The following TCHH variants were observed in gnomAD, a reference collection of about 807,000 sequenced individuals.
TCHH encodes trichohyalin.
TCHH carries 6 observed loss-of-function variants against 6.3 expected under a neutral mutation model. The ratio of observed to expected loss-of-function variants is 0.95; its 90% CI spans 0.52 to 1.88. The LOEUF is 1.88. TCHH is among the 40% of genes most tolerant of loss of function. The pLI is 0.01. For missense variants in TCHH, 2,920 were observed against 2,449.1 expected, an observed-to-expected ratio of 1.19 and a Z score of -4.06; for synonymous variants, 1,087 against 963.6, an observed-to-expected ratio of 1.13 and a Z score of -2.37.
Position 152,111,697 on chromosome 1 carries a change from A to G in TCHH, c.1520T>C (p.Leu507Pro). The part of the protein sequence containing the change: ...REQQERREQQ[L>P]RREQEERREQ... ...GCGCCTCTCCTCTTGCTCCCGCCTT[A>G]GTTGCTGCTCGCGCCTCTCCTGCTG... Residue 507 changes from leucine to proline, a missense_variant, in exon 3 of 3, where the codon CTA becomes CCA. Leu to Pro is a moderately conservative substitution (Grantham distance 98). Coordinates refer to ENST00000614923, the MANE Select transcript of TCHH (RefSeq NM_007113.4). 1.5e-6 allele frequency: 2 copies of G among 1,375,782 alleles called. No homozygotes were observed. The highest frequency in any genetic ancestry group is 1.3e-5 in the South Asian group (1 of 76,472). The allele number at this position is 1,375,782 out of a possible 1,614,324, so 85.2% of individuals were successfully genotyped here.
chr1:152,110,655 GTCC>G lies in TCHH; in HGVS notation c.2559_2561del (p.Glu853del), dbSNP rs758844690. 34 of 1,612,732 alleles carry G rather than the reference GTCC, an allele frequency of 2.1e-5. No individual in the cohort carries two copies. The highest frequency in any genetic ancestry group is 6.7e-5 in the Admixed American group (4 of 59,938). On this transcript the variant is annotated inframe_deletion, in exon 3 of 3. Transcript: ENST00000614923. ...TCCTCTCCTGATCCTCCTGGAGGCC[GTCC>G]TCCTCCTCCTGGAGCTGTTGGGCAC... is the stretch of plus-strand genomic sequence containing the variant.
At position 152,108,477 on chromosome 1, in the gene TCHH, T is replaced by C; in HGVS notation, c.4740A>G (p.Lys1580=). 1 of 1,612,336 alleles carries C rather than the reference T, an allele frequency of 6.2e-7. No homozygotes were observed. Among genetic ancestry groups the C allele is most frequent in the Non-Finnish European group, 8.5e-7 (1 of 1,179,622 alleles). The change falls in exon 3 of 3, where the codon AAA becomes AAG. Residue 1580 remains lysine (K), a synonymous_variant. Coordinates refer to ENST00000614923, the MANE Select transcript of TCHH (RefSeq NM_007113.4). The part of the protein sequence containing the change: ...QQLSRQERDR[K]FRLEEQKVRR... ...GCACTTTCTGTTCCTCTAAACGGAA[T>C]TTTCTGTCACGCTCTTGGCGGCTCA...
Position 152,109,470 on chromosome 1 carries a change from C to T in TCHH, c.3747G>A (p.Gln1249=). ...GCTGGGAATCTTCCAACTGCCGGAA[C>T]TGTTCATTCTCTCTGCCTTTGCAGT... ...KVYCKGRENE[Q]FRQLEDSQLR... Residue 1249 remains glutamine, a synonymous_variant, in exon 3 of 3, where the codon CAG becomes CAA. Transcript: ENST00000614923. The T allele has an allele frequency of 6.2e-7, 1 of 1,614,282 alleles. No homozygotes were observed. Among genetic ancestry groups the T allele is most frequent in the East Asian group, 2.2e-5 (1 of 44,892 alleles).
rs778874609 is a variant in TCHH, at chr1:152,108,431, TTC to T, written c.4784_4785del (p.Arg1595LysfsTer47). On this transcript the variant is annotated frameshift_variant, in exon 3 of 3. Coordinates refer to ENST00000614923, the MANE Select transcript of TCHH (RefSeq NM_007113.4). LOFTEE classifies it low-confidence loss of function (END_TRUNC). ...EQKVRRQEQE[R>X]KFMEDEQQLR... ...AGCTGCTGTTCGTCCTCCATGAATTTTCTCTCTTGTTCCTGGCGGCGCACTTT... is the reference window on the plus strand; with the variant it reads ...AGCTGCTGTTCGTCCTCCATGAATTTTCTCTTGTTCCTGGCGGCGCACTTT... 1.2e-6 allele frequency: 2 copies of T among 1,612,178 alleles called. No individual in the cohort carries two copies. The highest frequency in any genetic ancestry group is 1.1e-5 in the South Asian group (1 of 91,002).
In TCHH at chr1:152,110,319, C is replaced by T; in HGVS notation, c.2898G>A (p.Leu966=). ...RERQYRKDKK[L]QQKEEQLLGE... The stretch of plus-strand genomic sequence containing the variant: ...CCAGCAGCTGCTCTTCCTTCTGCTG[C>T]AGCTTCTTATCCTTCCGATATTGCC... Residue 966 remains leucine (L), a synonymous_variant, in exon 3 of 3, where the codon CTG becomes CTA. Coordinates refer to ENST00000614923, the MANE Select transcript of TCHH (RefSeq NM_007113.4). The T allele has an allele frequency of 6.2e-6, 10 of 1,610,842 alleles. No homozygotes were observed. The highest frequency in any genetic ancestry group is 7.6e-6 in the Non-Finnish European group (9 of 1,178,554).
Position 152,112,532 on chromosome 1 carries a change from G to A in TCHH, c.685C>T (p.Gln229Ter), listed in dbSNP as rs751618354. The change falls in exon 3 of 3, where the codon CAA becomes TAA. Residue 229 changes from glutamine to a stop codon, truncating the protein, a stop_gained. Coordinates refer to ENST00000614923, the MANE Select transcript of TCHH (RefSeq NM_007113.4). LOFTEE classifies it low-confidence loss of function (END_TRUNC). Reference protein sequence around the residue: ...RRKGREEKQQQRRERQDRVFQ... With the variant: ...RRKGREEKQQ Reference sequence around the variant, plus strand: ...ACTCTGTCTTGCCGCTCTCGCCTTTGCTGCTGTTTCTCCTCGCGGCCCTTC... The same window carrying A: ...ACTCTGTCTTGCCGCTCTCGCCTTTACTGCTGTTTCTCCTCGCGGCCCTTC... 1 of 1,613,390 alleles carries A rather than the reference G, an allele frequency of 6.2e-7. No individual in the cohort carries two copies.
chr1:152,111,312 C>T lies in TCHH; in HGVS notation c.1905G>A (p.Lys635=), dbSNP rs1003646576. The T allele has an allele frequency of 3.7e-6, 6 of 1,601,492 alleles. No homozygotes were observed. The highest frequency in any genetic ancestry group is 1.4e-5 in the African/African-American group (1 of 73,666). ...PEEERRQQLL[K]SEEQEERRQQ... is the part of the protein sequence containing the mutation. ...GGCGCCTCTCCTCCTGCTCCTCGCT[C>T]TTCAGCAGCTGCTGGCGCCTCTCTT... Residue 635 remains lysine, a synonymous_variant, in exon 3 of 3, where the codon AAG becomes AAA. Transcript: ENST00000614923.
chr1:152,107,977 C>T lies in TCHH; in HGVS notation c.5240G>A (p.Arg1747Lys). Residue 1747 changes from arginine to lysine, a missense_variant, in exon 3 of 3, where the codon AGA (arginine) becomes AAA (lysine). Coordinates refer to ENST00000614923, the MANE Select transcript of TCHH (RefSeq NM_007113.4). The stretch of plus-strand genomic sequence containing the variant: ...GAGCTGCTCTTCCTCTAGGATTTTT[C>T]TGTAGCGTTCTTGGCGGCGCAGCTG... ...QEQLRRQERY[R>K]KILEEEQLRP... 1 of 1,611,930 alleles carries T rather than the reference C, an allele frequency of 6.2e-7. No individual in the cohort carries two copies. Among genetic ancestry groups the T allele is most frequent in the Non-Finnish European group, 8.5e-7 (1 of 1,179,554 alleles).
rs776978954 is a variant in TCHH, at chr1:152,109,055, G to T, written c.4162C>A (p.Arg1388=). ...TCCTCCTTAAGGAATTTTCTCTCCC[G>T]TTCCTGGCGGCGCAGCCGCTGTTCC... The part of the protein sequence containing the change: ...EEEQRLRRQE[R]ERKFLKEEQQ... The change falls in exon 3 of 3, where the codon CGG becomes AGG. Residue 1388 remains arginine, a synonymous_variant. Coordinates refer to ENST00000614923, the MANE Select transcript of TCHH (RefSeq NM_007113.4). 6.2e-7 allele frequency: 1 copy of T among 1,613,032 alleles called. No homozygotes were observed. Among genetic ancestry groups the T allele is most frequent in the Non-Finnish European group, 8.5e-7 (1 of 1,179,832 alleles).
chr1:152,115,397 C>T lies in TCHH; in HGVS notation c.-38G>A, dbSNP rs1658483633. 1 of 152,252 alleles carries T rather than the reference C, an allele frequency of 6.6e-6. No individual in the cohort carries two copies. The highest frequency in any genetic ancestry group is 2.4e-5 in the African/African-American group (1 of 41,458). The allele number at this position is 152,252 out of a possible 1,614,324, so 9.4% of individuals were successfully genotyped here. On this transcript the variant is annotated 5_prime_UTR_variant, in exon 1 of 3. Transcript: ENST00000614923. ...CCCACAGAATGGGACTTACCCACTT[C>T]ACCAGAGGAAGAAGTCGACAGTGCT... is the stretch of plus-strand genomic sequence containing the variant.
rs532727480 is a variant in TCHH, at chr1:152,112,106, C to G, written c.1111G>C (p.Glu371Gln). ...CGCCTCAGCTGCTGCTCGCGCCTCT[C>G]CTCCTCCTGCTCGCGCCTCAGCTGC... ...EQQLRREQEEERREQQLRREQ... is the reference protein window; with the variant it reads ...EQQLRREQEEQRREQQLRREQ... Residue 371 changes from glutamate (E) to glutamine (Q), a missense_variant, in exon 3 of 3, where the codon GAG becomes CAG. Physicochemically the swap from Glu to Gln is conservative, Grantham distance 29. Transcript: ENST00000614923. 1 of 1,528,748 alleles carries G rather than the reference C, an allele frequency of 6.5e-7. No individual in the cohort carries two copies. The highest frequency in any genetic ancestry group is 8.8e-7 in the Non-Finnish European group (1 of 1,141,548). 94.7% of individuals were successfully genotyped at this position (1,528,748 alleles called of 1,614,324 possible).
rs765495757 is a variant in TCHH at position 152,110,120 on chromosome 1, G to A, written c.3097C>T (p.Leu1033=). ...KDELQQEEEQ[L]LREEREKRRL... is the part of the protein sequence containing the mutation. Reference sequence around the variant, plus strand: ...CTTTTCTCCCGTTCCTCTCTCAGCAGCTGCTCTTCTTCCTGCTGCAGCTCG... The same window carrying A: ...CTTTTCTCCCGTTCCTCTCTCAGCAACTGCTCTTCTTCCTGCTGCAGCTCG... Residue 1033 remains leucine, a synonymous_variant, in exon 3 of 3, where the codon CTG becomes TTG. Transcript: ENST00000614923. 1 of 1,610,766 alleles carries A rather than the reference G, an allele frequency of 6.2e-7. No homozygotes were observed. Among genetic ancestry groups the A allele is most frequent in the South Asian group, 1.1e-5 (1 of 90,908 alleles).
chr1:152,113,488 C>T (rs1037961538), intron 2 of TCHH, among the ~76,000 whole-genome samples: 3 of 152,188 alleles, frequency 2.0e-5, no homozygotes, highest in African/African-American at 4.8e-5. Flanking sequence ...ATGAACTCAT[C>T]CTTGAGAGAG....
chr1:152,114,743 AAC>A (rs35000605), intron 1 of TCHH, among the ~76,000 whole-genome samples: 6 of 152,234 alleles, frequency 3.9e-5, no homozygotes, highest in African/African-American at 1.4e-4. Flanking sequence ...AAATGCAGAA[AAC>A]AGAGACTGTA....
At position 152,112,449 on chromosome 1, in the gene TCHH, T is replaced by C. The variant is rs1306036057; in HGVS notation, c.768A>G (p.Glu256=). ...GCTCCTCTTCCTGCAACTTCTCTTC[T>C]TCCTTCCGGAGCACTGTCTCGCGCT... ...WRKRETVLRK[E]EEKLQEEEPQ... Residue 256 remains glutamate (E), a synonymous_variant, in exon 3 of 3, where the codon GAA becomes GAG. Coordinates refer to ENST00000614923, the MANE Select transcript of TCHH (RefSeq NM_007113.4). The C allele has an allele frequency of 6.2e-7, 1 of 1,613,606 alleles. No homozygotes were observed. Among genetic ancestry groups the C allele is most frequent in the African/African-American group, 1.3e-5 (1 of 74,914 alleles).
In TCHH at chr1:152,109,247, C is replaced by A; in HGVS notation, c.3970G>T (p.Glu1324Ter). Residue 1324 changes from glutamate to a stop codon, truncating the protein, a stop_gained, in exon 3 of 3, where the codon GAA becomes TAA. Transcript: ENST00000614923. LOFTEE classifies it low-confidence loss of function (END_TRUNC). ...TGACGGCGTCTCTTCTCTTCTCTTT[C>A]CTCTCTCAGCAACTGCTTTTCCTCT... ...SQEEKQLLRE[E>*]REEKRRRQET... is the part of the protein sequence containing the mutation. The A allele has an allele frequency of 6.2e-7, 1 of 1,614,234 alleles. No homozygotes were observed. The highest frequency in any genetic ancestry group is 8.5e-7 in the Non-Finnish European group (1 of 1,180,022).
rs777634581 is a variant in TCHH at position 152,108,829 on chromosome 1, A to G, written c.4388T>C (p.Phe1463Ser). Reference protein sequence around the residue: ...QQLRQERHRKFREEEQLLQER... With the variant: ...QQLRQERHRKSREEEQLLQER... Reference sequence around the variant, plus strand: ...CTGGAGCAGCTGTTCCTCTTCGCGGAATTTTCTGTGACGCTCCTGGCGCAG... The same window carrying G: ...CTGGAGCAGCTGTTCCTCTTCGCGGGATTTTCTGTGACGCTCCTGGCGCAG... Residue 1463 changes from phenylalanine to serine, a missense_variant, in exon 3 of 3, where the codon TTC becomes TCC. Physicochemically the swap from Phe to Ser is radical, Grantham distance 155. Transcript: ENST00000614923. 8.7e-6 allele frequency: 14 copies of G among 1,601,834 alleles called. No homozygotes were observed. The highest frequency in any genetic ancestry group is 1.7e-5 in the Admixed American group (1 of 58,704).
chr1:152,108,112 C>T lies in TCHH; in HGVS notation c.5105G>A (p.Arg1702His), dbSNP rs200776240. 5.0e-6 allele frequency: 8 copies of T among 1,607,302 alleles called. No individual in the cohort carries two copies. The highest frequency in any genetic ancestry group is 3.3e-5 in the South Asian group (3 of 90,772). The change falls in exon 3 of 3, where the codon CGT becomes CAT. Residue 1702 changes from arginine (R) to histidine (H), a missense_variant. Arg to His is a conservative substitution (Grantham distance 29, BLOSUM62 0). Coordinates refer to ENST00000614923, the MANE Select transcript of TCHH (RefSeq NM_007113.4). ...KFREEEQQLR[R>H]QERERKFLQE... ...GAGGAATTTTCTCTCTCGTTCCTGACGGCGGAGCTGCTGTTCCTCTTCGCG... is the reference window on the plus strand; with the variant it reads ...GAGGAATTTTCTCTCTCGTTCCTGATGGCGGAGCTGCTGTTCCTCTTCGCG...
Position 152,110,305 on chromosome 1 carries a change from TCTTC to T in TCHH, c.2908_2911del (p.Glu970SerfsTer34). 6.2e-7 allele frequency: 1 copy of T among 1,611,308 alleles called. No individual in the cohort carries two copies. Among genetic ancestry groups the T allele is most frequent in the Non-Finnish European group, 8.5e-7 (1 of 1,178,866 alleles). ...CTCCGGTTCCTCTCCCAGCAGCTGC[TCTTC>T]CTTCTGCTGCAGCTTCTTATCCTTC... On this transcript the variant is annotated frameshift_variant, in exon 3 of 3. Coordinates refer to ENST00000614923, the MANE Select transcript of TCHH (RefSeq NM_007113.4). LOFTEE classifies it low-confidence loss of function (END_TRUNC).
Sources: gnomAD v4.1 joint callset for allele counts (sites outside exome capture counted in the v4.1 genomes callset) on GRCh38, gnomAD v4.1.1 for gene constraint, MANE v1.5 for transcripts, NCBI Gene and HGNC (gene_info 2026-07-23, HGNC 2026-07-21) for gene names.